Variants in PRKG1 observed in about 807,000 individuals in gnomAD.
PRKG1 encodes cGMP-dependent protein kinase 1.
In PRKG1, 35 loss-of-function variants were observed where a neutral mutation model predicts 88.1. That is an observed-to-expected ratio of 0.40 (90% CI 0.30 to 0.53). PRKG1 has a LOEUF of 0.53. Among genes scored for constraint, PRKG1 ranks in the 20% least tolerant of loss-of-function variants. The pLI, the probability that PRKG1 is intolerant of heterozygous loss-of-function variation, is 0.59. For missense variants in PRKG1, 540 were observed against 839.8 expected (o/e 0.64, Z 4.41); for synonymous variants, 303 against 292.5 (o/e 1.04, Z -0.37).
chr10:51,302,718 A>G (rs1840925097), intron 2 of PRKG1: 1 of 152,146 alleles, frequency 6.6e-6, no homozygotes, highest in Admixed American at 6.6e-5. Flanking sequence ...ACTTTATTTC[A>G]TTACCTAACA....
chr10:51,406,013 G>A (rs967489632), intron 2 of PRKG1, among the ~76,000 whole-genome samples: 45 of 152,222 alleles, frequency 3.0e-4, no homozygotes, highest in African/African-American at 9.1e-4. Context: ...TCTGTTTAAG[G>A]CCCGTGGAGT....
At chr10:51,519,305 T>C (rs1297822930) in intron 3 of PRKG1, among the ~76,000 whole-genome samples, 1 of 152,168 alleles carries the variant, frequency 6.6e-6, no homozygotes, top group Non-Finnish European at 1.5e-5. Flanking sequence ...ATAAGTAAGG[T>C]AGATATTTCC....
intron 4 of PRKG1, among the ~76,000 whole-genome samples, chr10:51,873,601 C>T (rs1237135875): frequency 1.3e-5 from 2 of 149,106 alleles, no homozygotes; most frequent in Non-Finnish European, 3.0e-5. Context: ...GATCTCAGCT[C>T]ACTGCAACCT....
rs78595051 is a variant in PRKG1, at chr10:51,665,608, A to G, written c.593-138977A>G. Among the ~76,000 whole-genome samples the G allele has an allele frequency of 9.1e-3, 1,386 of 152,266 alleles. 23 individuals are homozygous for G. Among genetic ancestry groups the G allele is most frequent in the African/African-American group, 0.031 (1,304 of 41,552 alleles). On this transcript the variant is annotated intron_variant, in intron 3 of 17. Transcript: ENST00000373980. ...AAGACAACATGTTTATGGTCAGGAT[A>G]TGAAGGAAAAAGAGATTAACAACTG... is the stretch of plus-strand genomic sequence containing the variant.
At chr10:51,977,395 T>C (rs750140221) in intron 5 of PRKG1, among the ~76,000 whole-genome samples, 3 of 152,054 alleles carry the variant, frequency 2.0e-5, no homozygotes, top group Non-Finnish European at 4.4e-5. Flanking sequence ...ATTGATTCCA[T>C]GTCTTTGCTA....
At chr10:51,829,879 G>A (rs535060504) in intron 4 of PRKG1, among the ~76,000 whole-genome samples, 2 of 152,170 alleles carry the variant, frequency 1.3e-5, no homozygotes, top group Non-Finnish European at 1.5e-5. Context: ...AAGGCCAGGG[G>A]AAGCAGGTTG....
intron 2 of PRKG1, among the ~76,000 whole-genome samples, chr10:51,252,495 G>A (rs1296814846): frequency 6.6e-6 from 1 of 151,514 alleles, no homozygotes; most frequent in African/African-American, 2.4e-5. Context: ...TTTGAGCAGA[G>A]ACTTCTTACT....
intron 4 of PRKG1, among the ~76,000 whole-genome samples, chr10:51,814,883 G>GT (rs1445806726): frequency 1.3e-5 from 2 of 152,066 alleles, no homozygotes; most frequent in Admixed American, 1.3e-4. Context: ...CTCCATACAT[G>GT]TAAGTTTTTT....
intron 3 of PRKG1, among the ~76,000 whole-genome samples, chr10:51,603,970 G>A (rs1031227752): frequency 6.6e-6 from 1 of 152,074 alleles, no homozygotes; most frequent in Non-Finnish European, 1.5e-5. Context: ...GAATCCCAAG[G>A]TCTAGGTGTT....
chr10:50,994,670 T>C (rs1842817289), intron 1 of PRKG1, among the ~76,000 whole-genome samples: 1 of 152,160 alleles, frequency 6.6e-6, no homozygotes, highest in Non-Finnish European at 1.5e-5. Flanking sequence ...CTATTCATGC[T>C]ACAGATTCAT....
At chr10:51,235,579 A>T (rs1218633604) in intron 2 of PRKG1, among the ~76,000 whole-genome samples, 1 of 152,124 alleles carries the variant, frequency 6.6e-6, no homozygotes, top group Non-Finnish European at 1.5e-5. Context: ...CCTCCACAAG[A>T]CCTCTTCCAA....
At chr10:51,474,555 G>A (rs764866849) in intron 3 of PRKG1, among the ~76,000 whole-genome samples, 1 of 151,900 alleles carries the variant, frequency 6.6e-6, no homozygotes, top group Non-Finnish European at 1.5e-5. Flanking sequence ...GTAATGCATT[G>A]AAACCCTTAT....
At chr10:52,153,530 T>C (rs1838000741) in intron 8 of PRKG1, among the ~76,000 whole-genome samples, 1 of 152,168 alleles carries the variant, frequency 6.6e-6, no homozygotes, top group Admixed American at 6.6e-5. Context: ...GTGTCAAATG[T>C]GCCTGTTTCT....
intron 3 of PRKG1, among the ~76,000 whole-genome samples, chr10:51,650,008 C>T (rs1840001722): frequency 6.6e-6 from 1 of 152,124 alleles, no homozygotes; most frequent in Non-Finnish European, 1.5e-5. Context: ...GCCTATGGTG[C>T]CGGCCCGAGA....
chr10:51,432,686 T>C (rs1265904070), intron 2 of PRKG1, among the ~76,000 whole-genome samples: 2 of 152,174 alleles, frequency 1.3e-5, no homozygotes, highest in African/African-American at 2.4e-5. Context: ...GGTGTCTGCT[T>C]ATAGTTTTAC....
In PRKG1 at chr10:51,400,831, C is replaced by A. The variant is rs1423143982; in HGVS notation, c.479-66892C>A. On this transcript the variant is annotated intron_variant, in intron 2 of 17. Transcript: ENST00000373980. The stretch of plus-strand genomic sequence containing the variant: ...TAGCAGCAGCCCCTTTCTTCAATGA[C>A]TTTCCTCAGGTGTGTAATGATGGGA... Among the ~76,000 whole-genome samples the A allele has an allele frequency of 2.0e-5, 3 of 152,270 alleles. No homozygotes were observed. The East Asian group carries it at 5.8e-4, about 29-fold the overall frequency.
At chr10:52,264,402 C>CT (rs113569769) in intron 10 of PRKG1, among the ~76,000 whole-genome samples, 12 of 151,440 alleles carry the variant, frequency 7.9e-5, no homozygotes, top group African/African-American at 2.2e-4. Context: ...TCCCCTCCAG[C>CT]TTTTTTTTTC....
chr10:51,639,278 C>CA (rs1344320095), intron 3 of PRKG1, among the ~76,000 whole-genome samples: 2 of 150,732 alleles, frequency 1.3e-5, no homozygotes, highest in African/African-American at 2.4e-5. Context: ...ACTAAAAATG[C>CA]AAAAAATTAG....
intron 2 of PRKG1, among the ~76,000 whole-genome samples, chr10:51,278,708 C>A (rs1019240851): frequency 2.0e-5 from 3 of 152,218 alleles, no homozygotes; most frequent in African/African-American, 7.2e-5. Flanking sequence ...AGGAATTTAT[C>A]CGTTTCTTCT....
Sources: gnomAD v4.1 joint callset for allele counts (sites outside exome capture counted in the v4.1 genomes callset) on GRCh38, gnomAD v4.1.1 for gene constraint, MANE v1.5 for transcripts, NCBI Gene and HGNC (gene_info 2026-07-23, HGNC 2026-07-21) for gene names.